RPS6KA2: variants seen among roughly 807,000 people sequenced by gnomAD.
RPS6KA2 encodes the protein ribosomal protein S6 kinase alpha-2.
A neutral mutation model predicts 91.8 loss-of-function variants in RPS6KA2; 42 were observed. The observed-to-expected ratio is 0.46, with a 90% CI of 0.36 to 0.59. The LOEUF (loss-of-function observed/expected upper bound fraction) is 0.59. Ranked by LOEUF, RPS6KA2 falls within the 20% of genes least tolerant of loss-of-function variation. The pLI is 0.00. For synonymous variants in RPS6KA2, 414 were observed against 393.6 expected, an observed-to-expected ratio of 1.05 and a Z score of -0.61; for missense variants, 798 against 978.5, an observed-to-expected ratio of 0.82 and a Z score of 2.46.
intron 2 of RPS6KA2, among the ~76,000 whole-genome samples, chr6:166,725,479 C>T (rs73788098): frequency 0.018 from 2,705 of 152,362 alleles, 74 homozygotes; most frequent in African/African-American, 0.062. Flanking sequence ...CTAGCCCAGC[C>T]CAGCCTCTTT....
chr6:166,690,858 C>T (rs1318002918), intron 2 of RPS6KA2, among the ~76,000 whole-genome samples: 1 of 152,032 alleles, frequency 6.6e-6, no homozygotes, highest in Non-Finnish European at 1.5e-5. Flanking sequence ...CCACGGAGAC[C>T]CTGAACAGGC....
chr6:166,496,012 C>A (rs2128475908), intron 8 of RPS6KA2, among the ~76,000 whole-genome samples: 1 of 152,300 alleles, frequency 6.6e-6, no homozygotes, highest in Admixed American at 6.5e-5. Context: ...TCTCCTATTT[C>A]TTTTTCTTTC....
At chr6:166,555,853 A>G (rs544849061) in intron 1 of RPS6KA2, among the ~76,000 whole-genome samples, 2 of 152,236 alleles carry the variant, frequency 1.3e-5, no homozygotes, top group African/African-American at 4.8e-5. Flanking sequence ...AGGTAAAAAT[A>G]TACTTTAGGC....
intron 1 of RPS6KA2, among the ~76,000 whole-genome samples, chr6:166,591,489 C>T (rs141075140): frequency 5.9e-5 from 9 of 152,234 alleles, no homozygotes; most frequent in Admixed American, 4.6e-4. Context: ...ACAGAGGAGG[C>T]GAGTGGCCCT....
At chr6:166,847,148 T>C (rs1279853401) in intron 2 of RPS6KA2, among the ~76,000 whole-genome samples, 1 of 151,304 alleles carries the variant, frequency 6.6e-6, no homozygotes, top group Non-Finnish European at 1.5e-5. Context: ...AATCAAGAAC[T>C]CAACCCCTTT....
chr6:166,757,722 C>A, intron 2 of RPS6KA2: 1 of 365,388 alleles, frequency 2.7e-6, no homozygotes, highest in Non-Finnish European at 5.5e-6. Flanking sequence ...CCTCTTCCCT[C>A]CCCTCACCCC....
chr6:166,735,617 G>A (rs933860035), intron 2 of RPS6KA2, among the ~76,000 whole-genome samples: 7 of 152,060 alleles, frequency 4.6e-5, no homozygotes, highest in Admixed American at 6.6e-5. Context: ...ACAGATCATC[G>A]GGCATTAGAT....
chr6:166,517,101 C>T (rs545868188), intron 3 of RPS6KA2, among the ~76,000 whole-genome samples: 3 of 150,028 alleles, frequency 2.0e-5, no homozygotes, highest in Non-Finnish European at 3.0e-5. Flanking sequence ...TACCTAGTTA[C>T]AGTAAAAAAA....
intron 3 of RPS6KA2, among the ~76,000 whole-genome samples, chr6:166,517,780 A>G: frequency 6.6e-6 from 1 of 151,902 alleles, no homozygotes. Context: ...CGGCCCACTT[A>G]AGGCATTCTT....
rs538905027 is a variant in RPS6KA2, at chr6:166,418,411, A to G, written c.1821-69T>C. 2 of 1,152,676 alleles carry G rather than the reference A, an allele frequency of 1.7e-6. No individual in the cohort carries two copies. Among genetic ancestry groups the G allele is most frequent in the East Asian group, 4.7e-5 (2 of 42,718 alleles). 71.4% of individuals were successfully genotyped at this position (1,152,676 alleles called of 1,614,324 possible). On this transcript the variant is annotated intron_variant, in intron 18 of 20. Transcript: ENST00000265678. This position sits in a 1 kb window ranked among gnomAD's most constrained non-coding sequence, Gnocchi z 4.9. ...AACCTAAAATAAAGTTTGCAAGTTG[A>G]TATCACCCCTTGGCTGTTCAAAGGA...
intron 3 of RPS6KA2, among the ~76,000 whole-genome samples, chr6:166,510,646 G>A (rs536138540): frequency 2.4e-5 from 3 of 124,932 alleles, no homozygotes; most frequent in East Asian, 2.5e-4. Flanking sequence ...TAGGCAGCAC[G>A]ACATGTTACT....
At chr6:166,518,463 G>GA (rs1391752503) in intron 3 of RPS6KA2, among the ~76,000 whole-genome samples, 3 of 151,810 alleles carry the variant, frequency 2.0e-5, no homozygotes, top group East Asian at 3.9e-4. Context: ...TAAACAAGCA[G>GA]AAAAAAGGTC....
chr6:166,552,084 G>A (rs1784038084), intron 1 of RPS6KA2, among the ~76,000 whole-genome samples: 3 of 152,228 alleles, frequency 2.0e-5, no homozygotes, highest in Admixed American at 1.3e-4. Context: ...CCCGCCTAGA[G>A]ATCCTTGTTA....
intron 3 of RPS6KA2, among the ~76,000 whole-genome samples, chr6:166,525,554 G>A (rs1479892518): frequency 6.6e-6 from 1 of 152,184 alleles, no homozygotes; most frequent in African/African-American, 2.4e-5. Context: ...ATTATCCTCC[G>A]AGGTGAGCTG....
At chr6:166,713,349 T>C (rs1554251167) in intron 2 of RPS6KA2, among the ~76,000 whole-genome samples, 1 of 152,366 alleles carries the variant, frequency 6.6e-6, no homozygotes, top group African/African-American at 2.4e-5. Context: ...AATAAAGTCA[T>C]GCTTGATTAA....
chr6:166,517,455 G>GTTTTTTTTTTTTTTTTTTT (rs71032809), intron 3 of RPS6KA2, among the ~76,000 whole-genome samples: 3 of 104,970 alleles, frequency 2.9e-5, no homozygotes, highest in Admixed American at 1.9e-4. Flanking sequence ...CTTTTGTTTT[G>GTTTTTTTTTTTTTTTTTTT]TTTTTTTTTT....
At chr6:166,678,485 C>T (rs1414833516) in intron 2 of RPS6KA2, among the ~76,000 whole-genome samples, 1 of 152,204 alleles carries the variant, frequency 6.6e-6, no homozygotes, top group African/African-American at 2.4e-5. Context: ...GCAAAATAAA[C>T]AAAAACTCAG....
At chr6:166,810,814 G>T (rs73037460) in intron 2 of RPS6KA2, among the ~76,000 whole-genome samples, 2 of 152,318 alleles carry the variant, frequency 1.3e-5, no homozygotes, top group Non-Finnish European at 2.9e-5. Flanking sequence ...CAGGCTCAGG[G>T]AATAAGCTGC....
At chr6:166,439,004 C>T (rs1435081696) in intron 14 of RPS6KA2, among the ~76,000 whole-genome samples, 2 of 152,132 alleles carry the variant, frequency 1.3e-5, no homozygotes, top group East Asian at 1.9e-4. Flanking sequence ...TCCAAAGGCA[C>T]GAAGTGCTCT....
Sources: gnomAD v4.1 joint callset for allele counts (sites outside exome capture counted in the v4.1 genomes callset) on GRCh38, gnomAD v4.1.1 for gene constraint, Gnocchi (gnomAD v3.1) non-coding constraint, MANE v1.5 for transcripts, NCBI Gene and HGNC (gene_info 2026-07-23, HGNC 2026-07-21) for gene names.